Variants in GRIK5 observed in about 807,000 individuals in gnomAD.
The protein encoded by GRIK5 is glutamate ionotropic receptor kainate type subunit 5.
GRIK5 carries 43 observed loss-of-function variants against 97.4 expected under a neutral mutation model. The ratio of observed to expected loss-of-function variants is 0.44; its 90% confidence interval spans 0.35 to 0.57. The LOEUF is 0.57. Ranked by LOEUF, GRIK5 falls within the 20% of genes least tolerant of loss-of-function variation. GRIK5 has a pLI of 0.01. For synonymous variants in GRIK5, 580 were observed against 583.5 expected (o/e 0.99, Z 0.09); for missense variants, 1,015 against 1,382.0 (o/e 0.73, Z 4.21).
At chr19:42,035,313 C>G (rs940836612) in intron 12 of GRIK5, among the ~76,000 whole-genome samples, 2 of 152,028 alleles carry the variant, frequency 1.3e-5, no homozygotes, top group East Asian at 1.9e-4. Context: ...TGAGGCAGAT[C>G]TATGTGTACT....
At chr19:42,060,954 C>T (rs2076250502) in intron 5 of GRIK5, among the ~76,000 whole-genome samples, 1 of 152,226 alleles carries the variant, frequency 6.6e-6, no homozygotes, top group African/African-American at 2.4e-5. Context: ...GTCCTCTCCT[C>T]AGAATGTACT....
In GRIK5 at chr19:41,998,813, C is replaced by T. The variant is rs2075401542; in HGVS notation, c.*58G>A. 2.3e-6 allele frequency: 2 copies of T among 885,906 alleles called. No individual in the cohort carries two copies. Among genetic ancestry groups the T allele is most frequent in the Non-Finnish European group, 1.4e-6 (1 of 713,738 alleles). The allele number at this position is 885,906 out of a possible 1,614,324, so 54.9% of individuals were successfully genotyped here. On this transcript the variant is annotated 3_prime_UTR_variant, in exon 20 of 20. Coordinates refer to ENST00000593562, the MANE Select transcript of GRIK5 (RefSeq NM_002088.5). ...GCTGCGGGAGCGGAGACTGCTGGGG[C>T]CTGGGGCGGGCCCCGTCCCTTCGGT...
At chr19:42,028,773 C>T (rs1178669273) in intron 12 of GRIK5, among the ~76,000 whole-genome samples, 1 of 152,244 alleles carries the variant, frequency 6.6e-6, no homozygotes, top group East Asian at 1.9e-4. Context: ...AAAGCTATGG[C>T]CCTTGGGCCA....
In GRIK5 at chr19:41,999,196, G is replaced by C. The variant is rs1432952279; in HGVS notation, c.2618C>G (p.Ala873Gly). 1.1e-5 allele frequency: 17 copies of C among 1,517,204 alleles called. No homozygotes were observed. In the East Asian group the frequency reaches 4.2e-4, roughly 37 times the overall value. The allele number at this position is 1,517,204 out of a possible 1,614,324, so 94.0% of individuals were successfully genotyped here. Residue 873 changes from alanine to glycine, a missense_variant, in exon 20 of 20, where the codon GCC becomes GGC. Physicochemically the swap from Ala to Gly is moderately conservative, Grantham distance 60 (BLOSUM62 0). Transcript: ENST00000593562. This position sits in a 1 kb window ranked among gnomAD's most constrained non-coding sequence, Gnocchi z 5.0. ...GCGGACCGCGCGCAGTGACAGCAGGGCCCGGCTCGGGCCGCCCGGGCGTCG... is the reference window on the plus strand; with the variant it reads ...GCGGACCGCGCGCAGTGACAGCAGGCCCCGGCTCGGGCCGCCCGGGCGTCG... Reference protein sequence around the residue: ...RRRRPGGPSRALLSLRAVREM... With the variant: ...RRRRPGGPSRGLLSLRAVREM...
chr19:42,049,515 A>C lies in GRIK5; in HGVS notation c.1269+4087T>G, dbSNP rs372383415. Among the ~76,000 whole-genome samples the C allele has an allele frequency of 2.6e-5, 4 of 152,228 alleles. No homozygotes were observed. In the East Asian group the frequency reaches 5.8e-4, roughly 22 times the overall value. On this transcript the variant is annotated intron_variant, in intron 11 of 19. Transcript: ENST00000593562. ...ACTCATAATGTTGCCAGAAGAAGCC[A>C]GTCTCAAGAAAGAACACACAGTACG...
rs782388050 is a variant in GRIK5 at position 42,005,713 on chromosome 19, T to C, written c.2263+10A>G. The C allele has an allele frequency of 4.4e-6, 7 of 1,587,974 alleles. No homozygotes were observed. Among genetic ancestry groups the C allele is most frequent in the South Asian group, 3.3e-5 (3 of 90,306 alleles). On this transcript the variant is annotated intron_variant, in intron 17 of 19. Transcript: ENST00000593562. Reference sequence around the variant, plus strand: ...GGCCCTGCTGTGTTCCACACCGTGCTGTGCCGTACCCAGCGGCATGCCAAT... The same window carrying C: ...GGCCCTGCTGTGTTCCACACCGTGCCGTGCCGTACCCAGCGGCATGCCAAT...
At chr19:42,005,985 CT>C in intron 16 of GRIK5, 37 bp from the exon 17 acceptor site, 1 of 1,062,652 alleles carries the variant, frequency 9.4e-7, no homozygotes, top group East Asian at 2.6e-5. Flanking sequence ...ATGGGAGGGT[CT>C]TTCCAGCCGC....
In GRIK5 at chr19:42,065,675, G is replaced by T; in HGVS notation, c.79+17C>A. ...CAGGGCCTGAGGATGCAGGGGCAGG[G>T]TGCGGGAGGGCCTCACCCATGCGCA... On this transcript the variant is annotated intron_variant, in intron 2 of 19. Coordinates refer to ENST00000593562, the MANE Select transcript of GRIK5 (RefSeq NM_002088.5). This position sits in a 1 kb window ranked among gnomAD's most constrained non-coding sequence, Gnocchi z 5.8. The T allele has an allele frequency of 6.4e-7, 1 of 1,559,472 alleles. No individual in the cohort carries two copies. Among genetic ancestry groups the T allele is most frequent in the Non-Finnish European group, 8.7e-7 (1 of 1,152,846 alleles).
chr19:42,035,166 A>G (rs1001929554), intron 12 of GRIK5, among the ~76,000 whole-genome samples: 35 of 151,806 alleles, frequency 2.3e-4, no homozygotes, highest in Admixed American at 2.2e-3. Context: ...TTTTCAGTAG[A>G]GATGGGGTTT....
intron 15 of GRIK5, among the ~76,000 whole-genome samples, chr19:42,012,366 T>G (rs2075574431): frequency 6.6e-6 from 1 of 152,088 alleles, no homozygotes; most frequent in Non-Finnish European, 1.5e-5. Context: ...TTCTCCTGCC[T>G]CAGCCTCCCG....
chr19:42,017,494 T>C (rs982210688), intron 15 of GRIK5, among the ~76,000 whole-genome samples: 3 of 152,120 alleles, frequency 2.0e-5, no homozygotes, highest in African/African-American at 4.8e-5. Context: ...ATATTTGTTA[T>C]AAAAAGAGGG....
At chr19:42,052,071 A>G (rs2076124051) in intron 11 of GRIK5, among the ~76,000 whole-genome samples, 1 of 152,200 alleles carries the variant, frequency 6.6e-6, no homozygotes, top group Admixed American at 6.5e-5. Flanking sequence ...CTGTGCTTCT[A>G]GAATGTAAGG....
intron 12 of GRIK5, among the ~76,000 whole-genome samples, chr19:42,027,755 C>T (rs1287049610): frequency 6.6e-6 from 1 of 152,134 alleles, no homozygotes; most frequent in Non-Finnish European, 1.5e-5. Flanking sequence ...CAAGTTCTTC[C>T]TAGGCTCCTC....
chr19:42,056,781 A>G lies in GRIK5; in HGVS notation c.784T>C (p.Ser262Pro), dbSNP rs1205825195. 1 of 1,614,152 alleles carries G rather than the reference A, an allele frequency of 6.2e-7. No homozygotes were observed. Among genetic ancestry groups the G allele is most frequent in the Non-Finnish European group, 8.5e-7 (1 of 1,180,012 alleles). ...LHLDGIVEDS[S>P]NILGFSMFNT... ...AACATGGAGAAGCCCAGGATGTTGGAGGAGTCCTCCACAATACCGTCCAGA... is the reference window on the plus strand; with the variant it reads ...AACATGGAGAAGCCCAGGATGTTGGGGGAGTCCTCCACAATACCGTCCAGA... The change falls in exon 8 of 20, where the codon TCC becomes CCC. Residue 262 changes from serine to proline, a missense_variant. By Grantham distance (74) the Ser-to-Pro change is moderately conservative. Transcript: ENST00000593562.
In GRIK5 at chr19:42,002,645, G is replaced by A. The variant is rs938105748; in HGVS notation, c.2514+687C>T. On this transcript the variant is annotated intron_variant, in intron 19 of 19. Coordinates refer to ENST00000593562, the MANE Select transcript of GRIK5 (RefSeq NM_002088.5). The surrounding 1 kb of genome is among the most constrained non-coding windows in gnomAD (Gnocchi z 5.2). Reference sequence around the variant, plus strand: ...GGAAGCAGGGAACCAGCAGTCCAGGGGTGCAAGAGCACGAATGGGTCTGGA... The same window carrying A: ...GGAAGCAGGGAACCAGCAGTCCAGGAGTGCAAGAGCACGAATGGGTCTGGA... 16 of 620,086 alleles carry A rather than the reference G, an allele frequency of 2.6e-5. No individual in the cohort carries two copies. In the African/African-American group the frequency reaches 2.6e-4, roughly 10 times the overall value. The allele number at this position is 620,086 out of a possible 1,614,324, so 38.4% of individuals were successfully genotyped here.
In GRIK5 at chr19:42,022,063, G is replaced by A. The variant is rs1413227748; in HGVS notation, c.1588-7C>T. 6.2e-7 allele frequency: 1 copy of A among 1,600,172 alleles called. No individual in the cohort carries two copies. Among genetic ancestry groups the A allele is most frequent in the Non-Finnish European group, 8.6e-7 (1 of 1,168,942 alleles). On this transcript the variant is annotated splice_region_variant and splice_polypyrimidine_tract_variant and intron_variant, in intron 13 of 19. Transcript: ENST00000593562. The surrounding 1 kb of genome is among the most constrained non-coding windows in gnomAD (Gnocchi z 4.2). ...AGTAGCCAGGCTTGCGGCCCTGTGGGGAGAGGGAGTGAGACCCGGAGACAC... is the reference window on the plus strand; with the variant it reads ...AGTAGCCAGGCTTGCGGCCCTGTGGAGAGAGGGAGTGAGACCCGGAGACAC...
chr19:42,016,281 C>T (rs775844889), intron 15 of GRIK5, among the ~76,000 whole-genome samples: 4 of 152,100 alleles, frequency 2.6e-5, no homozygotes, highest in Non-Finnish European at 4.4e-5. Context: ...ATTAGCCAGA[C>T]GTGGTGGCTG....
At chr19:42,020,741 G>A (rs963456530) in intron 15 of GRIK5, among the ~76,000 whole-genome samples, 6 of 152,206 alleles carry the variant, frequency 3.9e-5, no homozygotes, top group African/African-American at 1.4e-4. Flanking sequence ...CAAATGCCAT[G>A]GCAACGTCAG....
At chr19:42,016,539 CCACT>C (rs2075626827) in intron 15 of GRIK5, among the ~76,000 whole-genome samples, 1 of 152,154 alleles carries the variant, frequency 6.6e-6, no homozygotes, top group Non-Finnish European at 1.5e-5. Context: ...GGTGATGGGG[CCACT>C]CACTAAGGCA....
Sources: allele counts gnomAD v4.1 joint callset (sites outside exome capture counted in the v4.1 genomes callset), GRCh38; gene constraint gnomAD v4.1.1; non-coding constraint Gnocchi (gnomAD v3.1); transcripts MANE v1.5; gene names NCBI Gene and HGNC (gene_info 2026-07-23, HGNC 2026-07-21).